Variants in CNOT4 observed in about 807,000 individuals in gnomAD.
The protein encoded by CNOT4 is CCR4-associated factor 4.
CNOT4 carries 8 observed loss-of-function variants against 73.8 expected under a neutral mutation model. The ratio of observed to expected loss-of-function variants is 0.11; its 90% CI spans 0.06 to 0.20. The LOEUF (loss-of-function observed/expected upper bound fraction) is 0.20. CNOT4 is among the 10% of genes least tolerant of loss of function. The probability of loss-of-function intolerance (pLI) is 1.00; values close to 1 mark genes in which losing one functional copy is unlikely to be tolerated. For synonymous variants in CNOT4, 293 were observed against 321.1 expected, an observed-to-expected ratio of 0.91 and a Z score of 0.94; for missense variants, 564 against 883.4, an observed-to-expected ratio of 0.64 and a Z score of 4.58.
intron 7 of CNOT4, among the ~76,000 whole-genome samples, chr7:135,400,013 A>C (rs1474392832): frequency 6.6e-6 from 1 of 152,166 alleles, no homozygotes; most frequent in African/African-American, 2.4e-5. Flanking sequence ...AATCTTAAGA[A>C]GAAAGCAAAG....
At chr7:135,445,607 T>C (rs139187129) in intron 1 of CNOT4, among the ~76,000 whole-genome samples, 301 of 152,352 alleles carry the variant, frequency 2.0e-3, no homozygotes, top group East Asian at 9.2e-3. Flanking sequence ...AAATGTGTTC[T>C]ACTTGTTCTA....
intron 10 of CNOT4, among the ~76,000 whole-genome samples, chr7:135,376,356 TTTTTAA>T (rs1329118001): frequency 6.6e-6 from 1 of 152,190 alleles, no homozygotes; most frequent in African/African-American, 2.4e-5. Flanking sequence ...GTTCTGCTTT[TTTTTAA>T]TTTTAATTTT....
intron 1 of CNOT4, among the ~76,000 whole-genome samples, chr7:135,485,069 T>TTTTG (rs201749885): frequency 6.6e-6 from 1 of 151,946 alleles, no homozygotes; most frequent in Non-Finnish European, 1.5e-5. Context: ...TTAGGAAGGA[T>TTTTG]TTTGTTTGTT....
rs188355938 is a variant in CNOT4 at position 135,402,598 on chromosome 7, C to G, written c.822-4372G>C. ...TGAGGCATCTGGTATTTGATGATCA[C>G]TGAAACAAAGAGAAGAGGAACACAA... On this transcript the variant is annotated intron_variant, in intron 7 of 11. Coordinates refer to ENST00000541284, the MANE Select transcript of CNOT4 (RefSeq NM_001190850.2). Among the ~76,000 whole-genome samples the G allele has an allele frequency of 9.8e-4, 149 of 152,188 alleles. 1 individual carries two copies. The highest frequency in any genetic ancestry group is 3.4e-3 in the African/African-American group (142 of 41,536).
intron 7 of CNOT4, among the ~76,000 whole-genome samples, chr7:135,403,925 C>T (rs1797138232): frequency 6.6e-6 from 1 of 152,106 alleles, no homozygotes; most frequent in Admixed American, 6.6e-5. Context: ...TTAAGTTAAA[C>T]CTAAACACAC....
Position 135,362,922 on chromosome 7 carries a change from G to T in CNOT4, c.2105C>A (p.Thr702Lys). 1 of 1,613,682 alleles carries T rather than the reference G, an allele frequency of 6.2e-7. No homozygotes were observed. The highest frequency in any genetic ancestry group is 8.5e-7 in the Non-Finnish European group (1 of 1,179,826). The change falls in exon 12 of 12, where the codon ACA (threonine) becomes AAA (lysine). Residue 702 changes from threonine to lysine, a missense_variant. Physicochemically the swap from Thr to Lys is moderately conservative, Grantham distance 78 (BLOSUM62 -1). Coordinates refer to ENST00000541284, the MANE Select transcript of CNOT4 (RefSeq NM_001190850.2). Reference sequence around the variant, plus strand: ...CAGTGTTGAACTCTGTAGTAAATCTGTGGGGGTTTTGCTGGGGGGTCTGAA... The same window carrying T: ...CAGTGTTGAACTCTGTAGTAAATCTTTGGGGGTTTTGCTGGGGGGTCTGAA... ...TAFRPPSKTP[T>K]DLLQSSTLDR...
At chr7:135,436,154 C>CT (rs55710500) in intron 2 of CNOT4, among the ~76,000 whole-genome samples, 152,226 of 152,230 alleles carry the variant, frequency 1, 76,111 homozygotes, top group Non-Finnish European at 1. Context: ...TCATATCAAG[C>CT]TTGCTAAAGT....
At chr7:135,475,967 T>C (rs1343523627) in intron 1 of CNOT4, among the ~76,000 whole-genome samples, 1 of 152,084 alleles carries the variant, frequency 6.6e-6, no homozygotes. Context: ...AGTTTAAAGT[T>C]GCTATGTAGA....
chr7:135,465,581 G>A (rs919278146), intron 1 of CNOT4, among the ~76,000 whole-genome samples: 1 of 152,002 alleles, frequency 6.6e-6, no homozygotes, highest in Non-Finnish European at 1.5e-5. Flanking sequence ...AGCCTCAGGC[G>A]GGTCCTTAAG....
intron 10 of CNOT4, among the ~76,000 whole-genome samples, chr7:135,371,967 A>G (rs1174989441): frequency 6.6e-6 from 1 of 152,214 alleles, no homozygotes; most frequent in Admixed American, 6.5e-5. Flanking sequence ...AGCAGTGACC[A>G]TGAACAAAGC....
In CNOT4 at chr7:135,453,828, A is replaced by ATATATATATAT. The variant is rs1179326629; in HGVS notation, c.-92-15416_-92-15406dup. On this transcript the variant is annotated intron_variant, in intron 1 of 11. Transcript: ENST00000541284. The stretch of plus-strand genomic sequence containing the variant: ...TATATATAATAAATATATATATTTT[A>ATATATATATAT]TATATATATATATATATATTATATA... 7.9e-4 allele frequency among the ~76,000 whole-genome samples: 68 copies of ATATATATATAT among 86,160 alleles called. No homozygotes were observed. In the East Asian group the frequency reaches 0.013, roughly 16 times the overall value. The allele number at this position is 86,160 out of a possible 152,430, so 56.5% of individuals were successfully genotyped here. A position where few individuals can be genotyped will look rare whatever the true frequency, so the allele number is the denominator to read the frequency against.
intron 1 of CNOT4, among the ~76,000 whole-genome samples, chr7:135,482,850 G>A (rs1802471182): frequency 6.6e-6 from 1 of 151,828 alleles, no homozygotes; most frequent in Non-Finnish European, 1.5e-5. Flanking sequence ...GACAGGCATG[G>A]TAGTGGGTGC....
At chr7:135,503,250 A>G (rs1804117266) in intron 1 of CNOT4, among the ~76,000 whole-genome samples, 2 of 152,172 alleles carry the variant, frequency 1.3e-5, no homozygotes, top group African/African-American at 2.4e-5. Context: ...GGATCACTTA[A>G]GCCCAGAAGT....
intron 1 of CNOT4, among the ~76,000 whole-genome samples, chr7:135,467,203 T>C (rs1331217326): frequency 6.6e-6 from 1 of 152,202 alleles, no homozygotes; most frequent in East Asian, 1.9e-4. Context: ...GGAAGAAATA[T>C]TAATGATTAA....
At chr7:135,488,251 T>C (rs1224476328) in intron 1 of CNOT4, among the ~76,000 whole-genome samples, 5 of 152,134 alleles carry the variant, frequency 3.3e-5, no homozygotes, top group Non-Finnish European at 5.9e-5. Context: ...AACCTTCACC[T>C]CCCAGGTTCA....
rs74522945 is a variant in CNOT4 at position 135,458,018 on chromosome 7, C to T, written c.-92-19595G>A. Among the ~76,000 whole-genome samples, 29 of 152,200 alleles carry T rather than the reference C, an allele frequency of 1.9e-4. No individual in the cohort carries two copies. In the East Asian group the frequency reaches 4.2e-3, roughly 22 times the overall value. ...ATTTAACCAGTCTCCTGTTACTGAA[C>T]ATTTGTTTCAAAGTTTTTGCTACTG... On this transcript the variant is annotated intron_variant, in intron 1 of 11. Coordinates refer to ENST00000541284, the MANE Select transcript of CNOT4 (RefSeq NM_001190850.2).
rs527603902 is a variant in CNOT4, at chr7:135,387,909, T to C, written c.1627+6009A>G. 5 of 957,480 alleles carry C rather than the reference T, an allele frequency of 5.2e-6. No homozygotes were observed. The African/African-American group carries it at 8.8e-5, about 17-fold the overall frequency. The allele number at this position is 957,480 out of a possible 1,614,324, so 59.3% of individuals were successfully genotyped here. ...TCTCATTCTGGTCAGGTACTTATAA[T>C]ATTATCTTATTATCACATTTTAATT... On this transcript the variant is annotated intron_variant, in intron 10 of 11. Coordinates refer to ENST00000541284, the MANE Select transcript of CNOT4 (RefSeq NM_001190850.2).
At chr7:135,499,618 C>T (rs1803828747) in intron 1 of CNOT4, among the ~76,000 whole-genome samples, 1 of 152,082 alleles carries the variant, frequency 6.6e-6, no homozygotes, top group Non-Finnish European at 1.5e-5. Flanking sequence ...CACTATGACA[C>T]TCATAAAGTC....
At chr7:135,449,453 AC>A (rs1800032819) in intron 1 of CNOT4, among the ~76,000 whole-genome samples, 1 of 152,200 alleles carries the variant, frequency 6.6e-6, no homozygotes, top group Admixed American at 6.5e-5. Flanking sequence ...TAATCCCTAG[AC>A]CCAGAAAGTA....
Sources: allele counts gnomAD v4.1 joint callset (sites outside exome capture counted in the v4.1 genomes callset), GRCh38; gene constraint gnomAD v4.1.1; transcripts MANE v1.5; gene names NCBI Gene and HGNC (gene_info 2026-07-23, HGNC 2026-07-21).